The following VPS13C variants were observed in gnomAD, a reference collection of about 807,000 sequenced individuals.
The protein encoded by VPS13C is intermembrane lipid transfer protein VPS13C.
VPS13C carries 358 observed loss-of-function variants against 456.8 expected under a neutral mutation model. That is an observed-to-expected ratio of 0.78 (90% CI 0.72 to 0.86). The LOEUF (loss-of-function observed/expected upper bound fraction) is 0.86, where lower values mean the gene tolerates loss of function less well. VPS13C is among the 40% of genes least tolerant of loss of function. The probability of loss-of-function intolerance (pLI) is 0.00; values close to 1 mark genes in which losing one functional copy is unlikely to be tolerated. For missense variants in VPS13C, 4,818 were observed against 4,385.4 expected (o/e 1.10, Z -2.79); for synonymous variants, 1,578 against 1,486.7 (o/e 1.06, Z -1.41).
At position 61,904,367 on chromosome 15, in the gene VPS13C, G is replaced by A. The variant is rs1020724634; in HGVS notation, c.9105+2897C>T. On this transcript the variant is annotated intron_variant, in intron 66 of 84. Transcript: ENST00000644861. ...TCTGAAGAGGCATATCTCAAAAGAA[G>A]ACATACAATGGCAAACATGTATATA... Among the ~76,000 whole-genome samples the A allele has an allele frequency of 6.7e-5, 10 of 149,658 alleles. No individual in the cohort carries two copies. The South Asian group carries it at 1.9e-3, about 28-fold the overall frequency.
intron 82 of VPS13C, among the ~76,000 whole-genome samples, chr15:61,862,908 A>T (rs1894303511): frequency 6.6e-6 from 1 of 152,162 alleles, no homozygotes; most frequent in Admixed American, 6.5e-5. Flanking sequence ...TCATTTTGGG[A>T]TAATTTTATT....
At position 61,929,715 on chromosome 15, in the gene VPS13C, G is replaced by C. The variant is rs1187392295; in HGVS notation, c.6072C>G (p.Asn2024Lys). ...TGTAACTTATATCAATCATAGAACTGTTGTTATCTTGGTCATTCTTTCTGT... is the reference window on the plus strand; with the variant it reads ...TGTAACTTATATCAATCATAGAACTCTTGTTATCTTGGTCATTCTTTCTGT... ...MIDRKNDQDN[N>K]SSMIDISYKQ... Residue 2024 changes from asparagine (N) to lysine (K), a missense_variant, in exon 51 of 85, where the codon AAC (asparagine) becomes AAG (lysine). Physicochemically the swap from Asn to Lys is moderately conservative, Grantham distance 94 (BLOSUM62 0). Transcript: ENST00000644861. The C allele has an allele frequency of 1.2e-6, 2 of 1,612,536 alleles. No homozygotes were observed. Among genetic ancestry groups the C allele is most frequent in the Non-Finnish European group, 1.7e-6 (2 of 1,179,200 alleles).
chr15:61,909,867 T>A (rs2043252785), intron 64 of VPS13C, among the ~76,000 whole-genome samples: 2 of 150,796 alleles, frequency 1.3e-5, no homozygotes, highest in Non-Finnish European at 2.9e-5. Context: ...CTCAGCAAAC[T>A]ATGGCAAGGA....
intron 15 of VPS13C, among the ~76,000 whole-genome samples, chr15:62,006,587 C>G (rs1468261105): frequency 1.3e-5 from 2 of 152,156 alleles, no homozygotes; most frequent in Non-Finnish European, 2.9e-5. Context: ...GTCTTTATAG[C>G]AGCGTGATTT....
intron 9 of VPS13C, among the ~76,000 whole-genome samples, chr15:62,018,858 A>G (rs1200786873): frequency 6.6e-6 from 1 of 152,174 alleles, no homozygotes; most frequent in East Asian, 1.9e-4. Flanking sequence ...TTTCAGAAGG[A>G]ATGGTACCAG....
At chr15:62,057,602 A>T (rs951984153) in intron 1 of VPS13C, among the ~76,000 whole-genome samples, 13 of 152,352 alleles carry the variant, frequency 8.5e-5, no homozygotes, top group South Asian at 4.1e-4. Context: ...CCCTGATTGG[A>T]TGTTCACTAG....
chr15:61,950,343 T>G lies in VPS13C; in HGVS notation c.4596+15A>C. 1 of 1,600,076 alleles carries G rather than the reference T, an allele frequency of 6.2e-7. No homozygotes were observed. On this transcript the variant is annotated intron_variant, in intron 41 of 84. Transcript: ENST00000644861. ...CAACACAACCCAACCTTATAGCAAA[T>G]TATAAAAGTTTTACCTTCAGTCTCT...
intron 73 of VPS13C, among the ~76,000 whole-genome samples, chr15:61,879,163 A>G (rs1168887951): frequency 6.6e-6 from 1 of 152,112 alleles, no homozygotes; most frequent in Non-Finnish European, 1.5e-5. Context: ...TAAAAGTATA[A>G]TAAGGCTTTC....
intron 5 of VPS13C, among the ~76,000 whole-genome samples, chr15:62,032,903 A>G (rs528961121): frequency 6.6e-6 from 1 of 151,884 alleles, no homozygotes; most frequent in African/African-American, 2.4e-5. Flanking sequence ...CATCAGATTT[A>G]TTTTTAGATA....
intron 6 of VPS13C, 148 bp downstream of exon 6, chr15:62,028,210 A>G: frequency 1.4e-6 from 1 of 708,828 alleles, no homozygotes; most frequent in South Asian, 1.8e-5. Flanking sequence ...AGGTAAGGAA[A>G]AGGAAATGAT....
chr15:61,895,764 T>A (rs1216179275), intron 66 of VPS13C, among the ~76,000 whole-genome samples: 2 of 152,010 alleles, frequency 1.3e-5, no homozygotes, highest in African/African-American at 4.8e-5. Flanking sequence ...GTTGGTCTCA[T>A]AAAAGTAAAA....
intron 16 of VPS13C, among the ~76,000 whole-genome samples, chr15:61,993,971 T>TAC (rs966052406): frequency 6.6e-6 from 1 of 152,206 alleles, no homozygotes; most frequent in African/African-American, 2.4e-5. Context: ...TATATATATA[T>TAC]ATATGAGACC....
chr15:61,975,194 A>G (rs2045668748), intron 24 of VPS13C, among the ~76,000 whole-genome samples: 1 of 152,144 alleles, frequency 6.6e-6, no homozygotes, highest in Admixed American at 6.6e-5. Flanking sequence ...GTCTCAAATC[A>G]GTGACCTCAG....
intron 14 of VPS13C, among the ~76,000 whole-genome samples, chr15:62,007,721 T>C (rs1368837197): frequency 2.0e-5 from 3 of 152,166 alleles, no homozygotes; most frequent in South Asian, 2.1e-4. Flanking sequence ...ATGTGGGAAA[T>C]AGCATTCCAG....
Position 61,916,049 on chromosome 15 carries a change from T to C in VPS13C, c.8056-27A>G, listed in dbSNP as rs183298237. ...TAAAAACAAACAAAAATTCGCTGAG[T>C]AACTTTTTAAAAACTCTGAAATAAC... is the stretch of plus-strand genomic sequence containing the variant. On this transcript the variant is annotated intron_variant, in intron 60 of 84. Coordinates refer to ENST00000644861, the MANE Select transcript of VPS13C (RefSeq NM_020821.3). 12 of 1,527,674 alleles carry C rather than the reference T, an allele frequency of 7.9e-6. No homozygotes were observed. The South Asian group carries it at 1.0e-4, about 13-fold the overall frequency. The allele number at this position is 1,527,674 out of a possible 1,614,324, so 94.6% of individuals were successfully genotyped here.
At chr15:61,942,693 G>C (rs1486898843) in intron 45 of VPS13C, among the ~76,000 whole-genome samples, 1 of 151,804 alleles carries the variant, frequency 6.6e-6, no homozygotes, top group Non-Finnish European at 1.5e-5. Flanking sequence ...TCCCAATGAG[G>C]ATAAGATCAT....
intron 84 of VPS13C, 124 bp from the exon 85 acceptor site, chr15:61,854,682 A>G (rs952612624): frequency 9.0e-7 from 1 of 1,113,764 alleles, no homozygotes; most frequent in Admixed American, 1.8e-5. Flanking sequence ...GACCAAGGAT[A>G]CAGTCCAGAT....
At chr15:61,958,063 T>G (rs901856410) in intron 37 of VPS13C, among the ~76,000 whole-genome samples, 1 of 152,070 alleles carries the variant, frequency 6.6e-6, no homozygotes. Context: ...TATATATATA[T>G]AGACATACAC....
chr15:61,893,038 T>C (rs1276697556), intron 66 of VPS13C, among the ~76,000 whole-genome samples: 1 of 151,404 alleles, frequency 6.6e-6, no homozygotes, highest in Non-Finnish European at 1.5e-5. Flanking sequence ...CAAGAGAGAG[T>C]TGAGAAAGAG....
Sources: gnomAD v4.1 joint callset for allele counts (sites outside exome capture counted in the v4.1 genomes callset) on GRCh38, gnomAD v4.1.1 for gene constraint, MANE v1.5 for transcripts, NCBI Gene and HGNC (gene_info 2026-07-23, HGNC 2026-07-21) for gene names.